Variants in RBFOX1 observed in about 807,000 individuals in gnomAD.
The protein encoded by RBFOX1 is RNA binding fox-1 homolog 1, also known as RNA binding protein fox-1 homolog 1.
A neutral mutation model predicts 57.7 loss-of-function variants in RBFOX1; 8 were observed. That is an observed-to-expected ratio of 0.14 (90% CI 0.08 to 0.25). RBFOX1 has a LOEUF of 0.25. Among genes scored for constraint, RBFOX1 ranks in the 10% least tolerant of loss-of-function variants. The pLI is 1.00. For synonymous variants in RBFOX1, 326 were observed against 222.4 expected (o/e 1.47, Z -4.15); for missense variants, 611 against 548.5 (o/e 1.11, Z -1.14).
rs887580490 is a variant in RBFOX1, at chr16:7,225,760, G to A, written c.27+173662G>A. ...ATGTGAATGTCAGACATTTGGGGGT[G>A]GGGGGAGGGGGGAGGGATAGCATTA... On this transcript the variant is annotated intron_variant, in intron 4 of 15. Coordinates refer to ENST00000550418, the MANE Select transcript of RBFOX1 (RefSeq NM_018723.4). Among the ~76,000 whole-genome samples the A allele has an allele frequency of 2.3e-3, 224 of 96,156 alleles. 1 individual carries two copies. The highest frequency in any genetic ancestry group is 9.3e-3 in the African/African-American group (215 of 23,012). The allele number at this position is 96,156 out of a possible 152,430, so 63.1% of individuals were successfully genotyped here.
At chr16:7,315,442 C>T (rs2096413517) in intron 4 of RBFOX1, among the ~76,000 whole-genome samples, 2 of 135,970 alleles carry the variant, frequency 1.5e-5, no homozygotes, top group East Asian at 2.0e-4. Flanking sequence ...ATGATTAAAG[C>T]CCTACTCTAC....
At chr16:7,398,255 G>A (rs149453229) in intron 4 of RBFOX1, among the ~76,000 whole-genome samples, 1 of 152,286 alleles carries the variant, frequency 6.6e-6, no homozygotes, top group Non-Finnish European at 1.5e-5. Flanking sequence ...GGAGCATAGG[G>A]TTGAATCTTA....
intron 2 of RBFOX1, among the ~76,000 whole-genome samples, chr16:6,324,147 G>A (rs777718672): frequency 4.1e-5 from 4 of 97,020 alleles, no homozygotes; most frequent in East Asian, 3.0e-4. Context: ...CCTTCCTCCC[G>A]CCCTCCCACC....
intron 3 of RBFOX1, among the ~76,000 whole-genome samples, chr16:5,761,298 C>A (rs1383023574): frequency 6.6e-6 from 1 of 152,134 alleles, no homozygotes; most frequent in African/African-American, 2.4e-5. Flanking sequence ...TGCCCCCCAA[C>A]TTTTTAAAAT....
At chr16:6,887,108 C>G (rs1340142565) in intron 3 of RBFOX1, among the ~76,000 whole-genome samples, 1 of 152,138 alleles carries the variant, frequency 6.6e-6, no homozygotes, top group Non-Finnish European at 1.5e-5. Context: ...ATGTCCCTCA[C>G]CAAACTCATG....
chr16:7,624,738 CG>C (rs1161721666), intron 10 of RBFOX1, among the ~76,000 whole-genome samples: 1 of 152,118 alleles, frequency 6.6e-6, no homozygotes, highest in Non-Finnish European at 1.5e-5. Context: ...CTCCTTTCCT[CG>C]GCTGAGTGAC....
chr16:5,306,323 C>CTTT (rs34944593), intron 1 of RBFOX1, among the ~76,000 whole-genome samples: 3 of 147,390 alleles, frequency 2.0e-5, no homozygotes, highest in Non-Finnish European at 4.5e-5. Flanking sequence ...TTCTAGAATT[C>CTTT]TTTTTTTTTT....
chr16:7,198,311 C>G (rs1280398205), intron 4 of RBFOX1, among the ~76,000 whole-genome samples: 1 of 152,054 alleles, frequency 6.6e-6, no homozygotes, highest in Non-Finnish European at 1.5e-5. Context: ...GGCCAATATA[C>G]CCGGTGGTTT....
At chr16:6,467,433 CAT>C (rs1343762121) in intron 2 of RBFOX1, among the ~76,000 whole-genome samples, 4 of 151,908 alleles carry the variant, frequency 2.6e-5, no homozygotes, top group African/African-American at 9.7e-5. Flanking sequence ...AATAAGTTGA[CAT>C]ATATTTATGT....
At chr16:6,274,887 T>C (rs1464324178) in intron 1 of RBFOX1, among the ~76,000 whole-genome samples, 1 of 152,210 alleles carries the variant, frequency 6.6e-6, no homozygotes, top group Admixed American at 6.5e-5. Flanking sequence ...GAGTTGGTCA[T>C]TGATCCATTA....
At chr16:5,964,954 G>A (rs997153540) in intron 4 of RBFOX1, among the ~76,000 whole-genome samples, 6 of 152,110 alleles carry the variant, frequency 3.9e-5, no homozygotes, top group African/African-American at 1.2e-4. Context: ...ATTATATTCA[G>A]TCTTAAAAAG....
At chr16:5,341,406 C>T (rs540237481) in intron 1 of RBFOX1, among the ~76,000 whole-genome samples, 2 of 152,122 alleles carry the variant, frequency 1.3e-5, no homozygotes, top group South Asian at 4.2e-4. Flanking sequence ...GGAGAGAGAT[C>T]ATGGGGGGTA....
At chr16:6,045,043 T>C (rs562006387) in intron 1 of RBFOX1, among the ~76,000 whole-genome samples, 1 of 152,336 alleles carries the variant, frequency 6.6e-6, no homozygotes, top group South Asian at 2.1e-4. Flanking sequence ...GACTCTGATT[T>C]GATTGGTCTT....
intron 3 of RBFOX1, among the ~76,000 whole-genome samples, chr16:6,884,043 C>A (rs557049078): frequency 1.3e-4 from 20 of 152,210 alleles, no homozygotes; most frequent in African/African-American, 4.8e-4. Context: ...ACAAACTGAT[C>A]CTGTTAAGCA....
rs1459700701 is a variant in RBFOX1 at position 6,827,587 on chromosome 16, G to A, written c.-16+172937G>A. Among the ~76,000 whole-genome samples, 3 of 152,186 alleles carry A rather than the reference G, an allele frequency of 2.0e-5. No individual in the cohort carries two copies. In the East Asian group the frequency reaches 5.8e-4, roughly 29 times the overall value. ...AATAAAACTGAAATCCGTCTCAGAG[G>A]GCCAGTCTCAGAGTATCCCCTGCCA... On this transcript the variant is annotated intron_variant, in intron 3 of 15. Transcript: ENST00000550418.
At chr16:5,751,688 G>GA (rs2053211641) in intron 3 of RBFOX1, among the ~76,000 whole-genome samples, 1 of 152,154 alleles carries the variant, frequency 6.6e-6, no homozygotes, top group African/African-American at 2.4e-5. Context: ...CAGGAGAATG[G>GA]AAAAATACTG....
chr16:7,471,877 G>A (rs1458481925), intron 4 of RBFOX1, among the ~76,000 whole-genome samples: 1 of 152,186 alleles, frequency 6.6e-6, no homozygotes, highest in African/African-American at 2.4e-5. Context: ...CACTAGTTTA[G>A]CAACCCTTCA....
intron 4 of RBFOX1, among the ~76,000 whole-genome samples, chr16:7,099,564 G>C (rs1438201017): frequency 1.3e-5 from 2 of 152,180 alleles, no homozygotes; most frequent in Non-Finnish European, 2.9e-5. Context: ...TTATTTTGCT[G>C]AGGTTAAGGT....
At chr16:5,796,727 G>A (rs916191791) in intron 3 of RBFOX1, among the ~76,000 whole-genome samples, 1 of 152,166 alleles carries the variant, frequency 6.6e-6, no homozygotes, top group East Asian at 1.9e-4. Flanking sequence ...CAAGTAATTT[G>A]CCTGTGGTCA....
Sources: allele counts gnomAD v4.1 joint callset (sites outside exome capture counted in the v4.1 genomes callset), GRCh38; gene constraint gnomAD v4.1.1; transcripts MANE v1.5; gene names NCBI Gene and HGNC (gene_info 2026-07-23, HGNC 2026-07-21).